ZCWPW2: variants seen among roughly 807,000 people sequenced by gnomAD.
The protein encoded by ZCWPW2 is zinc finger CW-type and PWWP domain containing 2.
A neutral mutation model predicts 46.6 loss-of-function variants in ZCWPW2; 45 were observed. The ratio of observed to expected loss-of-function variants is 0.96; its 90% CI spans 0.76 to 1.24. ZCWPW2 has a LOEUF of 1.24. Among genes scored for constraint, ZCWPW2 ranks in the 50% most tolerant of loss-of-function variants. The pLI is 0.00. For synonymous variants in ZCWPW2, 152 were observed against 137.1 expected (o/e 1.11, Z -0.76); for missense variants, 429 against 403.9 (o/e 1.06, Z -0.53).
At chr3:28,371,920 C>A (rs958707789) in intron 1 of ZCWPW2, among the ~76,000 whole-genome samples, 2 of 151,776 alleles carry the variant, frequency 1.3e-5, no homozygotes, top group Non-Finnish European at 1.5e-5. Flanking sequence ...CTGCTTTCTT[C>A]TTCTCTTTTG....
intron 7 of ZCWPW2, 133 bp from the exon 8 acceptor site, chr3:28,515,421 A>C: frequency 1.4e-6 from 1 of 719,118 alleles, no homozygotes. Context: ...TTACTACATA[A>C]AACAACCAAG....
chr3:28,375,807 T>G (rs1705483584), intron 1 of ZCWPW2, among the ~76,000 whole-genome samples: 1 of 151,916 alleles, frequency 6.6e-6, no homozygotes, highest in South Asian at 2.1e-4. Flanking sequence ...GTTCCTAACT[T>G]CTGGCAACCA....
rs181563016 is a variant in ZCWPW2 at position 28,509,908 on chromosome 3, A to T, written c.658-4156A>T. 3.3e-5 allele frequency among the ~76,000 whole-genome samples: 5 copies of T among 152,230 alleles called. No individual in the cohort carries two copies. In the East Asian group the frequency reaches 9.7e-4, roughly 29 times the overall value. On this transcript the variant is annotated intron_variant, in intron 6 of 9. Coordinates refer to ENST00000383768, the MANE Select transcript of ZCWPW2 (RefSeq NM_001040432.4). ...CATTAACTAATCCAAGATTATAAAG[A>T]TTTGCTCCTGTGTTTTCTTCTGAGA... is the stretch of plus-strand genomic sequence containing the variant.
At chr3:28,370,246 G>T (rs928519932) in intron 1 of ZCWPW2, among the ~76,000 whole-genome samples, 2 of 152,268 alleles carry the variant, frequency 1.3e-5, no homozygotes, top group East Asian at 1.9e-4. Context: ...CTTCTGCATC[G>T]CTCACGCTGG....
chr3:28,405,242 A>G (rs1229684121), intron 2 of ZCWPW2, among the ~76,000 whole-genome samples: 2 of 152,070 alleles, frequency 1.3e-5, no homozygotes, highest in African/African-American at 4.8e-5. Context: ...CCTGAAATTG[A>G]TATTTTGAAA....
chr3:28,475,262 C>A (rs191676922), intron 4 of ZCWPW2, among the ~76,000 whole-genome samples: 2 of 152,270 alleles, frequency 1.3e-5, no homozygotes, highest in East Asian at 3.9e-4. Context: ...CTCCATTTCT[C>A]CCAAAACCAG....
intron 6 of ZCWPW2, among the ~76,000 whole-genome samples, chr3:28,495,377 A>G (rs1467699317): frequency 6.6e-6 from 1 of 152,112 alleles, no homozygotes; most frequent in Non-Finnish European, 1.5e-5. Flanking sequence ...GTTAATGTGG[A>G]TAGGTTTATT....
intron 6 of ZCWPW2, among the ~76,000 whole-genome samples, chr3:28,512,665 T>C (rs1034207307): frequency 6.6e-6 from 1 of 152,172 alleles, no homozygotes; most frequent in African/African-American, 2.4e-5. Context: ...TTTGGCGATC[T>C]CATCAAATCT....
At chr3:28,409,286 A>C (rs1307406088) in intron 2 of ZCWPW2, among the ~76,000 whole-genome samples, 2 of 151,666 alleles carry the variant, frequency 1.3e-5, no homozygotes, top group Non-Finnish European at 2.9e-5. Context: ...CACCTGGCTA[A>C]TTTTTGTATT....
At chr3:28,471,466 G>A (rs1206378045) in intron 4 of ZCWPW2, among the ~76,000 whole-genome samples, 1 of 152,072 alleles carries the variant, frequency 6.6e-6, no homozygotes, top group South Asian at 2.1e-4. Context: ...AAATCAATCA[G>A]TGTGGCATAT....
At chr3:28,458,505 T>C (rs952905363) in intron 4 of ZCWPW2, among the ~76,000 whole-genome samples, 9 of 152,200 alleles carry the variant, frequency 5.9e-5, no homozygotes, top group African/African-American at 1.9e-4. Flanking sequence ...TCTCACATAG[T>C]CTTCATTTGT....
intron 5 of ZCWPW2, among the ~76,000 whole-genome samples, chr3:28,489,666 GCGCACACACACACACACACACA>G: frequency 6.8e-6 from 1 of 147,550 alleles, no homozygotes; most frequent in South Asian, 2.2e-4. Flanking sequence ...ACACACACGC[GCGCACACACACACACACACACA>G]CACACACACA....
rs1317833900 is a variant in ZCWPW2, at chr3:28,349,154, G to A, written c.-183G>A. On this transcript the variant is annotated 5_prime_UTR_variant, in exon 1 of 10. Coordinates refer to ENST00000383768, the MANE Select transcript of ZCWPW2 (RefSeq NM_001040432.4). ...CATGTCCCGTGAGCCTCCGCGGCGG[G>A]ACGGGGCGGGGCCGCGGGACGCCAG... 1.0e-6 allele frequency: 1 copy of A among 985,668 alleles called. No individual in the cohort carries two copies. Among genetic ancestry groups the A allele is most frequent in the Non-Finnish European group, 1.2e-6 (1 of 830,142 alleles). The allele number at this position is 985,668 out of a possible 1,614,324, so 61.1% of individuals were successfully genotyped here.
intron 6 of ZCWPW2, among the ~76,000 whole-genome samples, chr3:28,508,167 C>T (rs1423100212): frequency 6.6e-6 from 1 of 152,072 alleles, no homozygotes; most frequent in East Asian, 1.9e-4. Flanking sequence ...ACTGAGAACT[C>T]ACCCACAAAG....
intron 2 of ZCWPW2, among the ~76,000 whole-genome samples, chr3:28,401,160 C>T (rs1476857666): frequency 4.0e-5 from 6 of 150,430 alleles, no homozygotes; most frequent in South Asian, 2.1e-4. Context: ...GCCTGGGCGA[C>T]GAGCAAGACT....
chr3:28,410,282 A>G (rs1373379874), intron 2 of ZCWPW2, among the ~76,000 whole-genome samples: 6 of 152,112 alleles, frequency 3.9e-5, no homozygotes, highest in Non-Finnish European at 7.4e-5. Context: ...TAGCCCTTTA[A>G]GTAATTAATA....
chr3:28,471,614 C>T (rs934315822), intron 4 of ZCWPW2, among the ~76,000 whole-genome samples: 1 of 151,932 alleles, frequency 6.6e-6, no homozygotes, highest in Non-Finnish European at 1.5e-5. Flanking sequence ...TAATAAAAAC[C>T]ACAGACACAC....
intron 1 of ZCWPW2, among the ~76,000 whole-genome samples, chr3:28,365,168 A>C (rs1174580023): frequency 6.7e-6 from 1 of 149,666 alleles, no homozygotes; most frequent in African/African-American, 2.4e-5. Context: ...CCCATTTGTC[A>C]ATTTTGGCTT....
At chr3:28,390,145 T>C (rs1404898701) in intron 1 of ZCWPW2, among the ~76,000 whole-genome samples, 1 of 152,206 alleles carries the variant, frequency 6.6e-6, no homozygotes, top group Non-Finnish European at 1.5e-5. Flanking sequence ...TGTGAGTTGC[T>C]AGTGCCAGAG....
Sources: allele counts gnomAD v4.1 joint callset (sites outside exome capture counted in the v4.1 genomes callset), GRCh38; gene constraint gnomAD v4.1.1; transcripts MANE v1.5; gene names NCBI Gene and HGNC (gene_info 2026-07-23, HGNC 2026-07-21).